The following CCDC30 variants were observed in gnomAD, a reference collection of about 807,000 sequenced individuals.
CCDC30 encodes coiled-coil domain-containing protein 30.
Under a neutral mutation model 100.2 loss-of-function variants are expected in CCDC30, and 70 were observed. The ratio of observed to expected loss-of-function variants is 0.70; its 90% CI spans 0.58 to 0.85. The LOEUF (loss-of-function observed/expected upper bound fraction) is 0.85, where lower values mean the gene tolerates loss of function less well. CCDC30 is among the 40% of genes least tolerant of loss of function. The pLI, the probability that CCDC30 is intolerant of heterozygous loss-of-function variation, is 0.00. For missense variants in CCDC30, 652 were observed against 771.2 expected, an observed-to-expected ratio of 0.85 and a Z score of 1.83; for synonymous variants, 233 against 269.5, an observed-to-expected ratio of 0.86 and a Z score of 1.33.
chr1:42,610,166 A>G (rs1646589522), intron 10 of CCDC30, among the ~76,000 whole-genome samples: 1 of 152,172 alleles, frequency 6.6e-6, no homozygotes, highest in African/African-American at 2.4e-5. Context: ...TATACCACTC[A>G]TGTGGTCTTC....
intron 6 of CCDC30, among the ~76,000 whole-genome samples, chr1:42,502,327 A>G (rs1230710115): frequency 6.6e-6 from 1 of 152,142 alleles, no homozygotes; most frequent in Non-Finnish European, 1.5e-5. Context: ...ACCATTGGAA[A>G]AGCACAGTAT....
intron 6 of CCDC30, among the ~76,000 whole-genome samples, chr1:42,521,413 A>G (rs1644644516): frequency 6.6e-6 from 1 of 152,192 alleles, no homozygotes; most frequent in Non-Finnish European, 1.5e-5. Context: ...TTTCAGTTGG[A>G]GAAGATACTT....
chr1:42,469,116 C>T (rs1261628406), intron 1 of CCDC30, among the ~76,000 whole-genome samples: 4 of 152,108 alleles, frequency 2.6e-5, no homozygotes, highest in East Asian at 1.9e-4. Context: ...CAGTGGCTCA[C>T]GCCTGTAATC....
rs548483674 is a variant in CCDC30, at chr1:42,472,851, C to T, written c.-91-7610C>T. Among the ~76,000 whole-genome samples the T allele has an allele frequency of 4.6e-5, 7 of 152,126 alleles. No individual in the cohort carries two copies. In the East Asian group the frequency reaches 7.7e-4, roughly 17 times the overall value. ...TCATATATACATAGACTTCTTTATT[C>T]CTGCTTTCAGTTTTCCTCACATAGC... On this transcript the variant is annotated intron_variant, in intron 1 of 16. Transcript: ENST00000668663.
At chr1:42,631,282 T>A (rs1647033565) in intron 11 of CCDC30, among the ~76,000 whole-genome samples, 1 of 152,186 alleles carries the variant, frequency 6.6e-6, no homozygotes, top group Admixed American at 6.5e-5. Flanking sequence ...AGGCAGAGAC[T>A]CTTGTTCTCT....
intron 6 of CCDC30, among the ~76,000 whole-genome samples, chr1:42,535,184 T>C (rs1009709080): frequency 2.0e-5 from 3 of 152,152 alleles, no homozygotes; most frequent in Non-Finnish European, 4.4e-5. Context: ...CATTTACTAA[T>C]GTATTTAGGA....
chr1:42,650,497 A>ATATATGTGTGTG (rs1181889086), intron 15 of CCDC30, among the ~76,000 whole-genome samples: 19 of 136,194 alleles, frequency 1.4e-4, no homozygotes, highest in African/African-American at 5.1e-4. Flanking sequence ...AAAAATATAT[A>ATATATGTGTGTG]TGTGTGTGTG....
chr1:42,506,168 A>C (rs1195766760), intron 6 of CCDC30, among the ~76,000 whole-genome samples: 1 of 152,252 alleles, frequency 6.6e-6, no homozygotes, highest in African/African-American at 2.4e-5. Context: ...ACTGAAGGAC[A>C]AAATAAGGAT....
At chr1:42,463,716 G>C (rs1291313079) in exon 1 of CCDC30, 1 of 152,162 alleles carries the variant, frequency 6.6e-6, no homozygotes, top group Non-Finnish European at 1.5e-5. Flanking sequence ...CCCCTGGACA[G>C]ACAACGCCCG....
intron 6 of CCDC30, among the ~76,000 whole-genome samples, chr1:42,503,793 ACTATCTGC>A (rs1473621262): frequency 6.6e-6 from 1 of 152,214 alleles, no homozygotes; most frequent in Admixed American, 6.5e-5. Context: ...CCTTACCCTC[ACTATCTGC>A]CTAAATAATT....
At chr1:42,560,025 CTGCTCCTGAA>C (rs1158862860) in intron 6 of CCDC30, among the ~76,000 whole-genome samples, 1 of 152,112 alleles carries the variant, frequency 6.6e-6, no homozygotes, top group Non-Finnish European at 1.5e-5. Flanking sequence ...ATTGAACAAC[CTGCTCCTGAA>C]TGACTTCTTG....
downstream of CCDC30, among the ~76,000 whole-genome samples, chr1:42,655,496 G>A (rs1570368501): frequency 6.6e-6 from 1 of 152,050 alleles, no homozygotes; most frequent in East Asian, 1.9e-4. Flanking sequence ...GCAGTGAGCC[G>A]AGACTGCACC....
At chr1:42,586,219 G>A (rs1646066034) in intron 9 of CCDC30, among the ~76,000 whole-genome samples, 2 of 152,210 alleles carry the variant, frequency 1.3e-5, no homozygotes, top group African/African-American at 4.8e-5. Context: ...TTGGCTGAAA[G>A]AAAATGAGGT....
chr1:42,545,628 T>A (rs758373055), intron 6 of CCDC30, 49 bp downstream of exon 9: 2 of 1,503,328 alleles, frequency 1.3e-6, no homozygotes, highest in Non-Finnish European at 1.8e-6. Flanking sequence ...AGAGGGTATA[T>A]TTTATTTGGC....
chr1:42,615,165 A>G (rs1646701432), intron 11 of CCDC30, among the ~76,000 whole-genome samples: 1 of 152,230 alleles, frequency 6.6e-6, no homozygotes, highest in South Asian at 2.1e-4. Flanking sequence ...TAGGTCAAAG[A>G]GTCCAGGGTG....
intron 6 of CCDC30, among the ~76,000 whole-genome samples, chr1:42,560,517 G>A (rs1343362948): frequency 2.6e-5 from 4 of 151,760 alleles, no homozygotes; most frequent in South Asian, 2.1e-4. Flanking sequence ...TTACAGGCAC[G>A]CACCACCATG....
At chr1:42,604,291 T>C (rs1535871) in intron 10 of CCDC30, among the ~76,000 whole-genome samples, 60,056 of 152,016 alleles carry the variant, frequency 0.4, 12,383 homozygotes, top group Non-Finnish European at 0.45. Flanking sequence ...GATTCTGTCT[T>C]TTAAAAAATT....
intron 1 of CCDC30, among the ~76,000 whole-genome samples, chr1:42,467,563 T>C (rs1309829160): frequency 3.3e-5 from 5 of 152,078 alleles, no homozygotes; most frequent in Non-Finnish European, 7.4e-5. Flanking sequence ...GAGGGAAAGA[T>C]GAATGGGTTG....
rs745546767 is a variant in CCDC30, at chr1:42,539,265, A to T, written c.457-27031A>T. On this transcript the variant is annotated intron_variant, in intron 6 of 16. Transcript: ENST00000668663. ...CAGAAAGCAAAGACCATTTTTTAAT[A>T]GCATGTGACCTGTTACAAAGAGAGA... is the stretch of plus-strand genomic sequence containing the variant. 6.1e-5 allele frequency: 99 copies of T among 1,610,332 alleles called. 1 individual carries two copies. Among genetic ancestry groups the T allele is most frequent in the Non-Finnish European group, 8.3e-5 (98 of 1,178,530 alleles).
Sources: allele counts gnomAD v4.1 joint callset (sites outside exome capture counted in the v4.1 genomes callset), GRCh38; gene constraint gnomAD v4.1.1; transcripts MANE v1.5; gene names NCBI Gene and HGNC (gene_info 2026-07-23, HGNC 2026-07-21).